Variants in DCDC2C observed in about 807,000 individuals in gnomAD.
The protein encoded by DCDC2C is doublecortin domain containing 2C.
A neutral mutation model predicts 45.0 loss-of-function variants in DCDC2C; 44 were observed. That is an observed-to-expected ratio of 0.98 (90% CI 0.77 to 1.26). The LOEUF is 1.26. Among genes scored for constraint, DCDC2C ranks in the 50% most tolerant of loss-of-function variants. The pLI is 0.00. For synonymous variants in DCDC2C, 187 were observed against 178.8 expected, an observed-to-expected ratio of 1.05 and a Z score of -0.37; for missense variants, 447 against 468.9, an observed-to-expected ratio of 0.95 and a Z score of 0.43.
chr2:3,839,336 C>G (rs921044592), intron 10 of DCDC2C, among the ~76,000 whole-genome samples: 3 of 152,218 alleles, frequency 2.0e-5, no homozygotes, highest in Non-Finnish European at 4.4e-5. Context: ...TTTATTTTCA[C>G]AAATTTGAGC....
Position 3,818,258 on chromosome 2 carries a change from C to A in DCDC2C, c.1066-28896C>A, listed in dbSNP as rs1671601896. Among the ~76,000 whole-genome samples, 1 of 152,152 alleles carries A rather than the reference C, an allele frequency of 6.6e-6. No individual in the cohort carries two copies. The highest frequency in any genetic ancestry group is 1.5e-5 in the Non-Finnish European group (1 of 68,038). On this transcript the variant is annotated intron_variant, in intron 10 of 10. Transcript: ENST00000399143. This position sits in a 1 kb window ranked among gnomAD's most constrained non-coding sequence, Gnocchi z 4.7. ...GAAGTAATGAGGGCTGTCCATGAAG[C>A]CTTGTGGCAGTACAGCCCAGGTAAT...
chr2:3,797,858 T>G (rs1284625431), intron 10 of DCDC2C, among the ~76,000 whole-genome samples: 2 of 148,468 alleles, frequency 1.3e-5, no homozygotes, highest in Non-Finnish European at 3.0e-5. Context: ...TGATTTGGGG[T>G]GGAGAGTTCT....
At chr2:3,767,607 G>A (rs1572600470) in intron 6 of DCDC2C, 147 bp from the exon 7 acceptor site, 9 of 819,146 alleles carry the variant, frequency 1.1e-5, no homozygotes, top group East Asian at 8.6e-5. Flanking sequence ...GGTTGCATTC[G>A]AAGTGAGGCT....
At chr2:3,720,336 C>T (rs920814805) in intron 2 of DCDC2C, among the ~76,000 whole-genome samples, 2 of 152,180 alleles carry the variant, frequency 1.3e-5, no homozygotes, top group Admixed American at 1.3e-4. Context: ...CATGGAGTCT[C>T]TGTGAGGTTT....
chr2:3,783,759 C>T lies in DCDC2C; in HGVS notation c.1024-1300C>T, dbSNP rs148686455. Among the ~76,000 whole-genome samples the T allele has an allele frequency of 6.0e-3, 920 of 152,280 alleles. 4 individuals are homozygous for T. Among genetic ancestry groups the T allele is most frequent in the Non-Finnish European group, 9.0e-3 (612 of 68,022 alleles). The stretch of plus-strand genomic sequence containing the variant: ...GGAGTGTGGCCAAGCAGGAGCTGAG[C>T]GTGGCCCCAGTAGAGGGGACTAAAG... On this transcript the variant is annotated intron_variant, in intron 9 of 10. Transcript: ENST00000399143.
intron 10 of DCDC2C, among the ~76,000 whole-genome samples, chr2:3,794,178 T>C (rs1250277266): frequency 2.0e-5 from 3 of 152,192 alleles, no homozygotes; most frequent in African/African-American, 7.2e-5. Flanking sequence ...AAAATATTGG[T>C]TCATTGAGTT....
chr2:3,721,932 A>G (rs1668515764), intron 2 of DCDC2C, among the ~76,000 whole-genome samples: 1 of 152,246 alleles, frequency 6.6e-6, no homozygotes. Flanking sequence ...AAGTCCAATT[A>G]AACCTCTTTC....
At chr2:3,727,143 C>A in intron 3 of DCDC2C, 64 bp downstream of exon 3, 1 of 1,364,804 alleles carries the variant, frequency 7.3e-7, no homozygotes, top group Non-Finnish European at 1.0e-6. Flanking sequence ...ACAATACTTT[C>A]TATCCTGACA....
chr2:3,745,901 T>G (rs1669347448), intron 4 of DCDC2C, among the ~76,000 whole-genome samples: 1 of 151,744 alleles, frequency 6.6e-6, no homozygotes, highest in African/African-American at 2.4e-5. Context: ...TTGGTAGAGA[T>G]GAGGTCTTGC....
In DCDC2C at chr2:3,752,442, G is replaced by A. The variant is rs780619400; in HGVS notation, c.546-321G>A. ...TTGTTATAACAATGTGGGCCAATTT[G>A]TATTAATTTTAGCTGTTATTAGTTA... is the stretch of plus-strand genomic sequence containing the variant. On this transcript the variant is annotated intron_variant, in intron 4 of 10. Transcript: ENST00000399143. 450 of 347,480 alleles carry A rather than the reference G, an allele frequency of 1.3e-3. 2 individuals carry two copies. Among genetic ancestry groups the A allele is most frequent in the Non-Finnish European group, 2.2e-3 (403 of 181,594 alleles). The allele number at this position is 347,480 out of a possible 1,614,324, so 21.5% of individuals were successfully genotyped here. A position where few individuals can be genotyped will look rare whatever the true frequency, so the allele number is the denominator to read the frequency against.
At chr2:3,800,424 A>T (rs966517725) in intron 10 of DCDC2C, among the ~76,000 whole-genome samples, 2 of 152,164 alleles carry the variant, frequency 1.3e-5, no homozygotes, top group African/African-American at 4.8e-5. Context: ...TGAATGCTCA[A>T]ATTTTATTGT....
intron 10 of DCDC2C, among the ~76,000 whole-genome samples, chr2:3,797,610 C>T (rs1274758623): frequency 2.7e-5 from 4 of 147,308 alleles, no homozygotes; most frequent in African/African-American, 5.0e-5. Context: ...TTTATTTCTG[C>T]CTTCATTTCG....
intron 2 of DCDC2C, among the ~76,000 whole-genome samples, chr2:3,718,461 T>G (rs1026076822): frequency 6.6e-6 from 1 of 152,120 alleles, no homozygotes; most frequent in Non-Finnish European, 1.5e-5. Flanking sequence ...GCATGATACA[T>G]AAATCAAGTG....
At chr2:3,719,980 C>T (rs916882876) in intron 2 of DCDC2C, among the ~76,000 whole-genome samples, 17 of 152,170 alleles carry the variant, frequency 1.1e-4, no homozygotes, top group Non-Finnish European at 1.6e-4. Flanking sequence ...CGACCCAGCC[C>T]GTGTGCCAGG....
At chr2:3,746,185 C>T (rs149406462) in intron 4 of DCDC2C, among the ~76,000 whole-genome samples, 24 of 152,244 alleles carry the variant, frequency 1.6e-4, no homozygotes, top group Non-Finnish European at 2.6e-4. Context: ...TGAGCAGCTA[C>T]GGTGAGGGCA....
chr2:3,774,571 C>T lies in DCDC2C; in HGVS notation c.955-4245C>T, dbSNP rs138358601. On this transcript the variant is annotated intron_variant, in intron 8 of 10. Coordinates refer to ENST00000399143, the MANE Select transcript of DCDC2C (RefSeq NM_001287444.2). Reference sequence around the variant, plus strand: ...GCTGGGGAGAGTAGAGAGACTGCACCGTTTAAACGGTGAGGAGAGGCTTTC... The same window carrying T: ...GCTGGGGAGAGTAGAGAGACTGCACTGTTTAAACGGTGAGGAGAGGCTTTC... 2.8e-3 allele frequency among the ~76,000 whole-genome samples: 424 copies of T among 152,212 alleles called. 1 individual carries two copies. The highest frequency in any genetic ancestry group is 6.7e-3 in the Admixed American group (102 of 15,294).
At chr2:3,727,527 C>T (rs1328076803) in intron 3 of DCDC2C, among the ~76,000 whole-genome samples, 1 of 152,166 alleles carries the variant, frequency 6.6e-6, no homozygotes, top group East Asian at 1.9e-4. Flanking sequence ...AAAAGGCCCT[C>T]ATGGGCTACA....
At chr2:3,824,803 T>C (rs1383256540) in intron 10 of DCDC2C, among the ~76,000 whole-genome samples, 2 of 152,008 alleles carry the variant, frequency 1.3e-5, no homozygotes, top group African/African-American at 4.8e-5. Flanking sequence ...AGGTTTCTCT[T>C]TTTTTCTGTT....
intron 10 of DCDC2C, among the ~76,000 whole-genome samples, chr2:3,792,952 G>A (rs2148192109): frequency 6.6e-6 from 1 of 152,326 alleles, no homozygotes; most frequent in South Asian, 2.1e-4. Flanking sequence ...AATGTGAGAA[G>A]CATCTGGGAG....
Sources: gnomAD v4.1 joint callset for allele counts (sites outside exome capture counted in the v4.1 genomes callset) on GRCh38, gnomAD v4.1.1 for gene constraint, Gnocchi (gnomAD v3.1) non-coding constraint, MANE v1.5 for transcripts, NCBI Gene and HGNC (gene_info 2026-07-23, HGNC 2026-07-21) for gene names.